The following SLIT2 variants were observed in gnomAD, a reference collection of about 807,000 sequenced individuals.
SLIT2 encodes slit homolog 2 protein.
In SLIT2, 41 loss-of-function variants were observed where a neutral mutation model predicts 185.7. That is an observed-to-expected ratio of 0.22 (90% CI 0.17 to 0.29). The LOEUF is 0.29. SLIT2 is among the 10% of genes least tolerant of loss of function. SLIT2 has a pLI of 1.00. For missense variants in SLIT2, 1,571 were observed against 1,909.0 expected, an observed-to-expected ratio of 0.82 and a Z score of 3.30; for synonymous variants, 693 against 680.2, an observed-to-expected ratio of 1.02 and a Z score of -0.29.
rs186105848 is a variant in SLIT2 at position 20,434,214 on chromosome 4, G to A, written c.396-33538G>A. Among the ~76,000 whole-genome samples the A allele has an allele frequency of 2.6e-4, 39 of 152,252 alleles. No individual in the cohort carries two copies. In the East Asian group the frequency reaches 5.8e-3, roughly 23 times the overall value. ...ACGAAAATGGGGAAGGAGGCTGGGC[G>A]TGGAGGCTCACACCTGTAATCCCAG... On this transcript the variant is annotated intron_variant, in intron 4 of 36. Transcript: ENST00000504154.
rs978035627 is a variant in SLIT2 at position 20,339,180 on chromosome 4, A to G, written c.395+70299A>G. On this transcript the variant is annotated intron_variant, in intron 4 of 36. Transcript: ENST00000504154. The stretch of plus-strand genomic sequence containing the variant: ...ACACTGTACATTCTGTATGGATTAC[A>G]ATTATTTCTAGTATTGAAAAGGTAA... Among the ~76,000 whole-genome samples the G allele has an allele frequency of 1.8e-4, 28 of 152,204 alleles. 1 individual carries two copies. The highest frequency in any genetic ancestry group is 6.5e-4 in the African/African-American group (27 of 41,544).
In SLIT2 at chr4:20,611,841, C is replaced by A. The variant is rs185003864; in HGVS notation, c.3847+1674C>A. Among the ~76,000 whole-genome samples, 656 of 152,182 alleles carry A rather than the reference C, an allele frequency of 4.3e-3. 12 individuals are homozygous for A. Among genetic ancestry groups the A allele is most frequent in the Non-Finnish European group, 3.8e-3 (258 of 68,014 alleles). ...ATCTCAAGGATTTTATATAACTTGT[C>A]CAAGTACACAAAGCTATTATGTAGT... is the stretch of plus-strand genomic sequence containing the variant. On this transcript the variant is annotated intron_variant, in intron 34 of 36. Coordinates refer to ENST00000504154, the MANE Select transcript of SLIT2 (RefSeq NM_004787.4).
intron 4 of SLIT2, among the ~76,000 whole-genome samples, chr4:20,421,742 C>T (rs1028776206): frequency 6.6e-6 from 1 of 152,198 alleles, no homozygotes; most frequent in Non-Finnish European, 1.5e-5. Context: ...AATTCACTAA[C>T]ATAGCCCATG....
intron 4 of SLIT2, among the ~76,000 whole-genome samples, chr4:20,381,082 C>A (rs1037424050): frequency 6.6e-6 from 1 of 151,918 alleles, no homozygotes; most frequent in South Asian, 2.1e-4. Context: ...GGCGAAACCC[C>A]GTCTCTACTA....
chr4:20,358,551 G>A (rs1722509890), intron 4 of SLIT2, among the ~76,000 whole-genome samples: 1 of 151,904 alleles, frequency 6.6e-6, no homozygotes, highest in South Asian at 2.1e-4. Context: ...GAAAAATTTG[G>A]GTGTCTACTC....
intron 12 of SLIT2, among the ~76,000 whole-genome samples, chr4:20,522,988 G>C (rs189148651): frequency 2.0e-5 from 3 of 152,244 alleles, no homozygotes; most frequent in Admixed American, 6.5e-5. Flanking sequence ...AATAGAAATA[G>C]ATCAAAGTAA....
At chr4:20,583,948 T>G (rs1308849640) in intron 29 of SLIT2, among the ~76,000 whole-genome samples, 1 of 152,162 alleles carries the variant, frequency 6.6e-6, no homozygotes, top group African/African-American at 2.4e-5. Context: ...GGTTTCTTCC[T>G]CAGTGCAATA....
In SLIT2 at chr4:20,598,285, C is replaced by G; in HGVS notation, c.3582C>G (p.Ser1194Arg). ...ITLQIATDED[S>R]GILLYKGDKD... ...ACTAGATTGCCACAGATGAAGACAG[C>G]GGAATCCTCCTGTATAAGGGTGACA... The change falls in exon 33 of 37, where the codon AGC (serine) becomes AGG (arginine). Residue 1194 changes from serine (S) to arginine (R), a missense_variant. By Grantham distance (110) the Ser-to-Arg change is moderately radical. Transcript: ENST00000504154. The G allele has an allele frequency of 6.2e-7, 1 of 1,613,830 alleles. No individual in the cohort carries two copies.
chr4:20,307,875 T>C (rs1295674416), intron 4 of SLIT2, among the ~76,000 whole-genome samples: 1 of 152,186 alleles, frequency 6.6e-6, no homozygotes, highest in Non-Finnish European at 1.5e-5. Flanking sequence ...TGAGACCCAC[T>C]GCCTGTCCCC....
intron 4 of SLIT2, among the ~76,000 whole-genome samples, chr4:20,312,310 T>A (rs903084327): frequency 6.6e-6 from 1 of 152,202 alleles, no homozygotes; most frequent in Non-Finnish European, 1.5e-5. Context: ...AATCAAAAAC[T>A]ACCATAAATA....
At chr4:20,390,043 A>G (rs1486904191) in intron 4 of SLIT2, among the ~76,000 whole-genome samples, 2 of 152,080 alleles carry the variant, frequency 1.3e-5, no homozygotes, top group African/African-American at 4.8e-5. Context: ...AGAAGTTAAA[A>G]TTCAGAACTC....
chr4:20,287,671 T>C (rs1336949386), intron 4 of SLIT2, among the ~76,000 whole-genome samples: 1 of 152,172 alleles, frequency 6.6e-6, no homozygotes. Flanking sequence ...GAAGCATCTC[T>C]CCATTGTCTC....
intron 4 of SLIT2, among the ~76,000 whole-genome samples, chr4:20,375,290 T>G (rs1368922388): frequency 6.6e-6 from 1 of 152,042 alleles, no homozygotes; most frequent in Non-Finnish European, 1.5e-5. Context: ...CGTCCAGTTC[T>G]GCCATCTCAC....
chr4:20,529,987 G>A (rs1281451496), intron 16 of SLIT2, among the ~76,000 whole-genome samples: 1 of 152,000 alleles, frequency 6.6e-6, no homozygotes, highest in Non-Finnish European at 1.5e-5. Flanking sequence ...ATCTCTCACT[G>A]TGCCTATACT....
chr4:20,360,716 T>C (rs1722670650), intron 4 of SLIT2, among the ~76,000 whole-genome samples: 1 of 152,186 alleles, frequency 6.6e-6, no homozygotes, highest in Admixed American at 6.6e-5. Flanking sequence ...ATTAGATTTC[T>C]TAATAAAATT....
At chr4:20,573,880 T>C (rs140587120) in intron 29 of SLIT2, among the ~76,000 whole-genome samples, 1 of 151,996 alleles carries the variant, frequency 6.6e-6, no homozygotes, top group Non-Finnish European at 1.5e-5. Context: ...TTGGCGTCAA[T>C]ATGGGCCACC....
rs567765391 is a variant in SLIT2, at chr4:20,363,058, C to T, written c.395+94177C>T. On this transcript the variant is annotated intron_variant, in intron 4 of 36. Transcript: ENST00000504154. ...TATTGAACCATGATAATCAAAGCAA[C>T]CGAATAACAGTAAATACTAGAACTG... 2.3e-3 allele frequency among the ~76,000 whole-genome samples: 343 copies of T among 152,038 alleles called. 1 individual carries two copies. The highest frequency in any genetic ancestry group is 8.0e-3 in the African/African-American group (333 of 41,462).
At chr4:20,321,848 C>T (rs1328303563) in intron 4 of SLIT2, among the ~76,000 whole-genome samples, 4 of 152,038 alleles carry the variant, frequency 2.6e-5, no homozygotes. Flanking sequence ...TAAACTTTAT[C>T]AGTGGCTTGA....
intron 29 of SLIT2, among the ~76,000 whole-genome samples, chr4:20,584,804 C>T (rs1478956976): frequency 1.3e-5 from 2 of 152,138 alleles, no homozygotes; most frequent in African/African-American, 4.8e-5. Context: ...CCTGTAATCC[C>T]AGCACTTTGG....
Sources: gnomAD v4.1 joint callset for allele counts (sites outside exome capture counted in the v4.1 genomes callset) on GRCh38, gnomAD v4.1.1 for gene constraint, MANE v1.5 for transcripts, NCBI Gene and HGNC (gene_info 2026-07-23, HGNC 2026-07-21) for gene names.